ACP7: variants seen among roughly 807,000 people sequenced by gnomAD.
ACP7 encodes acid phosphatase type 7.
Under a neutral mutation model 60.6 loss-of-function variants are expected in ACP7, and 58 were observed. That is an observed-to-expected ratio of 0.96 (90% CI 0.77 to 1.19). The LOEUF (loss-of-function observed/expected upper bound fraction) is 1.19. Ranked by LOEUF, ACP7 falls within the 50% of genes most tolerant of loss-of-function variation. The pLI, the probability that ACP7 is intolerant of heterozygous loss-of-function variation, is 0.00. For synonymous variants in ACP7, 237 were observed against 232.6 expected (o/e 1.02, Z -0.17); for missense variants, 574 against 596.2 (o/e 0.96, Z 0.39).
Position 39,098,536 on chromosome 19 carries a change from C to T in ACP7, c.200C>T (p.Ser67Leu), listed in dbSNP as rs550310336. The change falls in exon 3 of 13, where the codon TCG (serine) becomes TTG (leucine). Residue 67 changes from serine to leucine, a missense_variant. Coordinates refer to ENST00000331256, the MANE Select transcript of ACP7 (RefSeq NM_001004318.3). The part of the protein sequence containing the change: ...RSEVQFGLQP[S>L]GPLPLRAQGT... ...GAAGTGCAATTCGGGTTGCAGCCGT[C>T]GGGGCCCCTGCCCCTCCGCGCCCAG... 3 of 1,611,876 alleles carry T rather than the reference C, an allele frequency of 1.9e-6. No homozygotes were observed. The highest frequency in any genetic ancestry group is 2.5e-6 in the Non-Finnish European group (3 of 1,179,254).
chr19:39,109,685 TAAAAAAAAAAAAAA>T (rs34682645), intron 12 of ACP7, among the ~76,000 whole-genome samples: 1 of 65,502 alleles, frequency 1.5e-5, no homozygotes, highest in African/African-American at 7.3e-5. Flanking sequence ...AGACTCTGTC[TAAAAAAAAAAAAAA>T]AAAAAAAAAA....
intron 12 of ACP7, among the ~76,000 whole-genome samples, chr19:39,108,367 C>G (rs1031927981): frequency 2.0e-5 from 3 of 151,996 alleles, no homozygotes; most frequent in African/African-American, 7.3e-5. Flanking sequence ...TCTCGAACTC[C>G]TGACATCAGG....
chr19:39,093,764 CTTTA>C (rs759893091), intron 2 of ACP7, among the ~76,000 whole-genome samples: 68 of 152,136 alleles, frequency 4.5e-4, no homozygotes, highest in Non-Finnish European at 8.1e-4. Flanking sequence ...TGTACCCTTT[CTTTA>C]TTTCTTTTGT....
chr19:39,107,161 G>A (rs2073420167), intron 12 of ACP7, 77 bp downstream of exon 12: 7 of 1,414,042 alleles, frequency 5.0e-6, no homozygotes, highest in Non-Finnish European at 6.5e-6. Flanking sequence ...AAAAACGTGG[G>A]CTCGGCCGGG....
At chr19:39,095,065 G>A (rs527321792) in intron 2 of ACP7, among the ~76,000 whole-genome samples, 2 of 152,276 alleles carry the variant, frequency 1.3e-5, no homozygotes, top group East Asian at 3.9e-4. Context: ...TTCAAGATGA[G>A]ATTTGGGTGG....
intron 3 of ACP7, 83 bp downstream of exon 3, chr19:39,098,741 G>T: frequency 6.9e-7 from 1 of 1,449,812 alleles, no homozygotes; most frequent in Non-Finnish European, 9.3e-7. Flanking sequence ...CTGGCCGGTG[G>T]CTCAGGCTGG....
At chr19:39,094,583 G>T (rs2073245586) in intron 2 of ACP7, among the ~76,000 whole-genome samples, 1 of 151,976 alleles carries the variant, frequency 6.6e-6, no homozygotes, top group South Asian at 2.1e-4. Context: ...AGCACTTTGG[G>T]AGACCGAGGA....
At chr19:39,108,419 G>C (rs1207758771) in intron 12 of ACP7, among the ~76,000 whole-genome samples, 3 of 152,082 alleles carry the variant, frequency 2.0e-5, no homozygotes, top group Admixed American at 6.6e-5. Context: ...GGGATTACAG[G>C]TGTGAGCCAC....
chr19:39,093,242 CTT>C (rs965785261), intron 2 of ACP7, among the ~76,000 whole-genome samples: 7 of 143,398 alleles, frequency 4.9e-5, no homozygotes, highest in African/African-American at 7.8e-5. Flanking sequence ...CTCTCTCTCT[CTT>C]TCTTTCTTTC....
At chr19:39,108,627 G>T (rs2073437049) in intron 12 of ACP7, among the ~76,000 whole-genome samples, 1 of 152,082 alleles carries the variant, frequency 6.6e-6, no homozygotes, top group African/African-American at 2.4e-5. Context: ...ATGGGGGGTG[G>T]GACACAGGTA....
At chr19:39,098,253 CAAAAAAA>C (rs59373149) in intron 2 of ACP7, among the ~76,000 whole-genome samples, 198 bp from the exon 3 acceptor site, 31 of 64,976 alleles carry the variant, frequency 4.8e-4, no homozygotes, top group Admixed American at 2.0e-3. Context: ...GACCCTGACT[CAAAAAAA>C]AAAAAAAAAA....
chr19:39,087,769 G>A (rs1277889846), intron 2 of ACP7, among the ~76,000 whole-genome samples: 2 of 151,980 alleles, frequency 1.3e-5, no homozygotes, highest in Non-Finnish European at 2.9e-5. Flanking sequence ...AAGTATCTGG[G>A]ATTACAGGCA....
intron 11 of ACP7, 123 bp from the exon 12 acceptor site, chr19:39,106,824 T>G (rs2073415423): frequency 4.8e-6 from 6 of 1,247,670 alleles, no homozygotes; most frequent in Non-Finnish European, 6.7e-6. Flanking sequence ...GCGCCCGGCC[T>G]CTATGGTGGT....
Position 39,085,287 on chromosome 19 carries a change from C to A in ACP7, c.18C>A (p.Gly6=). The stretch of plus-strand genomic sequence containing the variant: ...CCACCACCATGCACCCCCTTCCTGG[C>A]TACTGGTCCTGTTACTGTCTACTCC... The part of the protein sequence containing the change: MHPLP[G]YWSCYCLLLL... Residue 6 remains glycine, a synonymous_variant, in exon 2 of 13, where the codon GGC becomes GGA. Coordinates refer to ENST00000331256, the MANE Select transcript of ACP7 (RefSeq NM_001004318.3). 6.2e-7 allele frequency: 1 copy of A among 1,613,254 alleles called. No homozygotes were observed. The highest frequency in any genetic ancestry group is 1.7e-4 in the Middle Eastern group (1 of 6,058).
At chr19:39,110,032 C>A in intron 12 of ACP7, 21 bp from the exon 13 acceptor site, 1 of 1,608,956 alleles carries the variant, frequency 6.2e-7, no homozygotes, top group South Asian at 1.1e-5. Context: ...TAACTACTGT[C>A]CCTGTTTTTG....
Position 39,100,600 on chromosome 19 carries a change from C to T in ACP7, c.650C>T (p.Ala217Val). 1 of 1,614,012 alleles carries T rather than the reference C, an allele frequency of 6.2e-7. No individual in the cohort carries two copies. The highest frequency in any genetic ancestry group is 1.3e-5 in the African/African-American group (1 of 74,988). Residue 217 changes from alanine to valine, a missense_variant, in exon 6 of 13, where the codon GCT becomes GTT. Physicochemically the swap from Ala to Val is moderately conservative, Grantham distance 64 (BLOSUM62 0). Coordinates refer to ENST00000331256, the MANE Select transcript of ACP7 (RefSeq NM_001004318.3). ...EERYNFSNYK[A>V]RFSMPGDNEG... ...TCCAGCAACTTCTCTAACTACAAGGCTCGCTTCAGCATGCCGGGGGATAAT... is the reference window on the plus strand; with the variant it reads ...TCCAGCAACTTCTCTAACTACAAGGTTCGCTTCAGCATGCCGGGGGATAAT...
intron 6 of ACP7, 30 bp from the exon 7 acceptor site, chr19:39,100,709 T>G: frequency 6.2e-7 from 1 of 1,612,628 alleles, no homozygotes; most frequent in Non-Finnish European, 8.5e-7. Flanking sequence ...GGAGCCCTGG[T>G]CCCTGACCCC....
In ACP7 at chr19:39,092,198, C is replaced by G. The variant is rs554073934; in HGVS notation, c.122-6260C>G. On this transcript the variant is annotated intron_variant, in intron 2 of 12. Transcript: ENST00000331256. ...GACCAGCTTGGCCAACATGGTAAAACCCGGTCTCTACTAAAAATACAAAAA... is the reference window on the plus strand; with the variant it reads ...GACCAGCTTGGCCAACATGGTAAAAGCCGGTCTCTACTAAAAATACAAAAA... Among the ~76,000 whole-genome samples, 36 of 152,164 alleles carry G rather than the reference C, an allele frequency of 2.4e-4. No homozygotes were observed. In the South Asian group the frequency reaches 7.3e-3, roughly 31 times the overall value.
chr19:39,096,963 A>G (rs894758898), intron 2 of ACP7, among the ~76,000 whole-genome samples: 4 of 151,986 alleles, frequency 2.6e-5, no homozygotes, highest in Non-Finnish European at 4.4e-5. Context: ...CACCACGCCC[A>G]GCTAATTTTT....
Sources: allele counts gnomAD v4.1 joint callset (sites outside exome capture counted in the v4.1 genomes callset), GRCh38; gene constraint gnomAD v4.1.1; transcripts MANE v1.5; gene names NCBI Gene and HGNC (gene_info 2026-07-23, HGNC 2026-07-21).